Variants in NFIL3 observed in about 807,000 individuals in gnomAD.
The protein encoded by NFIL3 is nuclear factor interleukin-3-regulated protein.
Under a neutral mutation model 10.0 loss-of-function variants are expected in NFIL3, and 5 were observed. The observed-to-expected ratio is 0.50, with a 90% CI of 0.26 to 1.06. NFIL3 has a LOEUF of 1.06. Among genes scored for constraint, NFIL3 ranks in the 50% least tolerant of loss-of-function variants. NFIL3 has a pLI of 0.13. For missense variants in NFIL3, 436 were observed against 547.6 expected (o/e 0.80, Z 2.03); for synonymous variants, 202 against 206.5 (o/e 0.98, Z 0.19).
chr9:91,467,828 T>C, the NFIL3 span, among the ~76,000 whole-genome samples: 23 of 152,270 alleles, frequency 1.5e-4, no homozygotes, highest in African/African-American at 5.5e-4. Flanking sequence ...AGAATGATGG[T>C]TTCCAGCTTC....
At chr9:91,477,153 G>C in the NFIL3 span, among the ~76,000 whole-genome samples, 1 of 152,134 alleles carries the variant, frequency 6.6e-6, no homozygotes, top group Non-Finnish European at 1.5e-5. Flanking sequence ...CAAGGTGCTG[G>C]CTGGGCTGAA....
the NFIL3 span, among the ~76,000 whole-genome samples, chr9:91,476,771 G>C: frequency 0.03 from 4,590 of 152,232 alleles, 96 homozygotes; most frequent in East Asian, 0.093. Context: ...TAGGATAAAA[G>C]AAACTTTTTA....
upstream of NFIL3, among the ~76,000 whole-genome samples, chr9:91,428,424 C>G (rs1833892864): frequency 6.6e-6 from 1 of 152,208 alleles, no homozygotes; most frequent in South Asian, 2.1e-4. Flanking sequence ...CTTCCAGCCT[C>G]TGCCTCTCGG....
At chr9:91,480,868 G>C in the NFIL3 span, among the ~76,000 whole-genome samples, 5 of 152,190 alleles carry the variant, frequency 3.3e-5, no homozygotes, top group Middle Eastern at 3.2e-3. Flanking sequence ...TGCACCTTTA[G>C]AGGATCTGAT....
the NFIL3 span, among the ~76,000 whole-genome samples, chr9:91,477,792 A>T: frequency 6.6e-6 from 1 of 152,190 alleles, no homozygotes; most frequent in African/African-American, 2.4e-5. Flanking sequence ...GAGATTGAGC[A>T]CATTCCTAGG....
At chr9:91,421,356 G>C (rs1366071616) in intron 1 of NFIL3, among the ~76,000 whole-genome samples, 1 of 151,874 alleles carries the variant, frequency 6.6e-6, no homozygotes, top group Non-Finnish European at 1.5e-5. Flanking sequence ...GCCCCCACGC[G>C]GCGCCTCCCA....
At chr9:91,441,354 G>T in the NFIL3 span, among the ~76,000 whole-genome samples, 3 of 152,022 alleles carry the variant, frequency 2.0e-5, no homozygotes, top group African/African-American at 7.2e-5. Context: ...CCATTTGCAT[G>T]GAATATCTTC....
chr9:91,476,353 A>C, the NFIL3 span, among the ~76,000 whole-genome samples: 3 of 152,172 alleles, frequency 2.0e-5, no homozygotes, highest in South Asian at 2.1e-4. Context: ...CAGGTGGATC[A>C]CCTGAGGTCA....
rs1833491945 is a variant in NFIL3 at position 91,409,352 on chromosome 9, A to G, written c.1383T>C (p.Ser461=). ...IATQPISASD[S]G is the part of the protein sequence containing the mutation. ...GCTCTTACTCAGTAGTAATTTACCC[A>G]GAGTCTGAAGCAGAGATTGGTTGTG... Residue 461 remains serine (S), a synonymous_variant, in exon 2 of 2, where the codon TCT becomes TCC. Coordinates refer to ENST00000297689, the MANE Select transcript of NFIL3 (RefSeq NM_005384.3). 1.9e-5 allele frequency: 29 copies of G among 1,558,518 alleles called. No homozygotes were observed. Among genetic ancestry groups the G allele is most frequent in the Non-Finnish European group, 2.5e-5 (29 of 1,154,958 alleles).
At chr9:91,438,890 TG>T in the NFIL3 span, among the ~76,000 whole-genome samples, 1 of 152,202 alleles carries the variant, frequency 6.6e-6, no homozygotes, top group Non-Finnish European at 1.5e-5. Context: ...CAATATGGTA[TG>T]GGTTTATTCC....
the NFIL3 span, among the ~76,000 whole-genome samples, chr9:91,431,372 A>G: frequency 1.3e-5 from 2 of 152,146 alleles, no homozygotes; most frequent in African/African-American, 4.8e-5. Context: ...TACATATGCT[A>G]TATATGCTTC....
Position 91,410,266 on chromosome 9 carries a change from A to G in NFIL3, c.469T>C (p.Ser157Pro). ...TCGTCCACAAATGAACTCACATTGGATTTGGAAGTCTGGTAATCTTGAAAG... is the reference window on the plus strand; with the variant it reads ...TCGTCCACAAATGAACTCACATTGGGTTTGGAAGTCTGGTAATCTTGAAAG... Reference protein sequence around the residue: ...VYFQDYQTSKSNVSSFVDEHE... With the variant: ...VYFQDYQTSKPNVSSFVDEHE... The change falls in exon 2 of 2, where the codon TCC (serine) becomes CCC (proline). Residue 157 changes from serine to proline, a missense_variant. Coordinates refer to ENST00000297689, the MANE Select transcript of NFIL3 (RefSeq NM_005384.3). The surrounding 1 kb of genome is among the most constrained non-coding windows in gnomAD (Gnocchi z 5.7). The G allele has an allele frequency of 6.2e-7, 1 of 1,614,154 alleles. No individual in the cohort carries two copies. The highest frequency in any genetic ancestry group is 8.5e-7 in the Non-Finnish European group (1 of 1,180,024).
At chr9:91,460,292 T>TTTTTTTTTTTTTG in the NFIL3 span, among the ~76,000 whole-genome samples, 1 of 142,454 alleles carries the variant, frequency 7.0e-6, no homozygotes, top group Non-Finnish European at 1.5e-5. Context: ...TTTTTTTTTT[T>TTTTTTTTTTTTTG]GAGATGGAGT....
At chr9:91,466,476 T>C in the NFIL3 span, among the ~76,000 whole-genome samples, 5 of 152,234 alleles carry the variant, frequency 3.3e-5, no homozygotes, top group Admixed American at 6.5e-5. Flanking sequence ...TGTTTTGTTA[T>C]GGATATGTAT....
chr9:91,433,073 A>T, the NFIL3 span, among the ~76,000 whole-genome samples: 2 of 152,198 alleles, frequency 1.3e-5, no homozygotes, highest in Admixed American at 1.3e-4. Flanking sequence ...TGAGACAGGA[A>T]AAAAAAGAAT....
the NFIL3 span, among the ~76,000 whole-genome samples, chr9:91,457,399 T>A: frequency 9.9e-5 from 15 of 152,080 alleles, no homozygotes; most frequent in Non-Finnish European, 7.4e-5. Context: ...TATTTATTTA[T>A]TTCTTCTGCA....
chr9:91,481,474 T>C, the NFIL3 span, among the ~76,000 whole-genome samples: 3 of 152,186 alleles, frequency 2.0e-5, no homozygotes, highest in Admixed American at 6.5e-5. Context: ...TATACAATCA[T>C]AGTCATCTGC....
chr9:91,462,049 T>C, the NFIL3 span, among the ~76,000 whole-genome samples: 1 of 152,192 alleles, frequency 6.6e-6, no homozygotes, highest in Non-Finnish European at 1.5e-5. Context: ...CTAAGGTATT[T>C]GTCTTGCTGA....
chr9:91,434,864 G>A, the NFIL3 span, among the ~76,000 whole-genome samples: 1 of 152,104 alleles, frequency 6.6e-6, no homozygotes. Context: ...AAAAAATTAA[G>A]AATAGGTGGC....
Sources: gnomAD v4.1 joint callset for allele counts (sites outside exome capture counted in the v4.1 genomes callset) on GRCh38, gnomAD v4.1.1 for gene constraint, Gnocchi (gnomAD v3.1) non-coding constraint, MANE v1.5 for transcripts, NCBI Gene and HGNC (gene_info 2026-07-23, HGNC 2026-07-21) for gene names.